CELSR1: variants seen among roughly 807,000 people sequenced by gnomAD.
CELSR1 encodes the protein cadherin EGF LAG seven-pass G-type receptor 1.
A neutral mutation model predicts 249.1 loss-of-function variants in CELSR1; 110 were observed. The ratio of observed to expected loss-of-function variants is 0.44; its 90% confidence interval spans 0.38 to 0.52. The LOEUF (loss-of-function observed/expected upper bound fraction) is 0.52, where lower values mean the gene tolerates loss of function less well. Ranked by LOEUF, CELSR1 falls within the 20% of genes least tolerant of loss-of-function variation. CELSR1 has a pLI of 0.00. For missense variants in CELSR1, 4,109 were observed against 4,296.4 expected (o/e 0.96, Z 1.22); for synonymous variants, 2,113 against 1,900.0 (o/e 1.11, Z -2.92).
rs1185469657 is a variant in CELSR1, at chr22:46,390,858, A to G, written c.6250+328T>C. On this transcript the variant is annotated intron_variant, in intron 16 of 34. Coordinates refer to ENST00000674500, the MANE Select transcript of CELSR1 (RefSeq NM_001378328.1). The surrounding 1 kb of genome is among the most constrained non-coding windows in gnomAD (Gnocchi z 6.3). ...CAGACGCCCCTCACAGAGTGGACAC[A>G]GTCAATGTCCCCATTTCACAGAGGT... 1.3e-5 allele frequency among the ~76,000 whole-genome samples: 2 copies of G among 152,204 alleles called. No individual in the cohort carries two copies. Among genetic ancestry groups the G allele is most frequent in the East Asian group, 1.9e-4 (1 of 5,202 alleles).
rs2078892004 is a variant in CELSR1 at position 46,374,146 on chromosome 22, G to C, written c.7585-1089C>G. The stretch of plus-strand genomic sequence containing the variant: ...CCCTTTGCCTCAGACTGTGGCCTCG[G>C]TCAGGAAAGGAGGCGCGAGCGTGTG... On this transcript the variant is annotated intron_variant, in intron 24 of 34. Coordinates refer to ENST00000674500, the MANE Select transcript of CELSR1 (RefSeq NM_001378328.1). This position sits in a 1 kb window ranked among gnomAD's most constrained non-coding sequence, Gnocchi z 4.3. Among the ~76,000 whole-genome samples, 1 of 152,230 alleles carries C rather than the reference G, an allele frequency of 6.6e-6. No individual in the cohort carries two copies. The highest frequency in any genetic ancestry group is 6.5e-5 in the Admixed American group (1 of 15,290).
intron 29 of CELSR1, 131 bp downstream of exon 29, chr22:46,366,862 C>T (rs914812022): frequency 6.2e-6 from 8 of 1,298,624 alleles, no homozygotes; most frequent in African/African-American, 6.0e-5. Context: ...CCGTGCACCG[C>T]GGGCGGCTCT....
chr22:46,424,151 C>T (rs764137494), intron 5 of CELSR1, among the ~76,000 whole-genome samples: 3 of 152,098 alleles, frequency 2.0e-5, no homozygotes, highest in African/African-American at 7.2e-5. Context: ...ACAACAGCCT[C>T]GACCTTCCAG....
rs1325257036 is a variant in CELSR1 at position 46,429,912 on chromosome 22, GC to G, written c.4611+3480del. On this transcript the variant is annotated intron_variant, in intron 5 of 34. Transcript: ENST00000674500. This position sits in a 1 kb window ranked among gnomAD's most constrained non-coding sequence, Gnocchi z 4.1. ...GGGTCCCACACCGCCTCTCATGGATGCCCCATGCCCTGCCCAGCCCTTTGTA... is the reference window on the plus strand; with the variant it reads ...GGGTCCCACACCGCCTCTCATGGATGCCCATGCCCTGCCCAGCCCTTTGTA... 1.3e-5 allele frequency among the ~76,000 whole-genome samples: 2 copies of G among 152,230 alleles called. No individual in the cohort carries two copies. Among genetic ancestry groups the G allele is most frequent in the Non-Finnish European group, 2.9e-5 (2 of 68,032 alleles).
intron 1 of CELSR1, among the ~76,000 whole-genome samples, chr22:46,496,251 C>T (rs919450068): frequency 3.3e-5 from 5 of 150,256 alleles, no homozygotes; most frequent in Non-Finnish European, 7.4e-5. Flanking sequence ...TAGCTTAAAA[C>T]ACACATTGTA....
chr22:46,434,284 G>A lies in CELSR1; in HGVS notation c.4523-803C>T, dbSNP rs2079632021. ...ACCCCTTGAGCTCCTGCTGGAGTGG[G>A]GCGGGCGAGTCCCTTTGGGGATTCT... On this transcript the variant is annotated intron_variant, in intron 4 of 34. Coordinates refer to ENST00000674500, the MANE Select transcript of CELSR1 (RefSeq NM_001378328.1). The surrounding 1 kb of genome is among the most constrained non-coding windows in gnomAD (Gnocchi z 4.9). Among the ~76,000 whole-genome samples, 7 of 152,234 alleles carry A rather than the reference G, an allele frequency of 4.6e-5. No homozygotes were observed. The highest frequency in any genetic ancestry group is 4.6e-4 in the Admixed American group (7 of 15,292).
chr22:46,482,140 G>C (rs1438440685), intron 1 of CELSR1, among the ~76,000 whole-genome samples: 1 of 152,204 alleles, frequency 6.6e-6, no homozygotes, highest in African/African-American at 2.4e-5. Flanking sequence ...CACTTCCCAA[G>C]AAGAGCTGCA....
At chr22:46,386,224 T>C (rs1240179363) in intron 19 of CELSR1, among the ~76,000 whole-genome samples, 178 bp downstream of exon 19, 1 of 151,808 alleles carries the variant, frequency 6.6e-6, no homozygotes, top group Non-Finnish European at 1.5e-5. Flanking sequence ...CCTGTCCCGA[T>C]CTCCCAAAGT....
chr22:46,536,438 A>T lies in CELSR1; in HGVS notation c.733T>A (p.Phe245Ile). The T allele has an allele frequency of 6.2e-7, 1 of 1,611,840 alleles. No individual in the cohort carries two copies. The highest frequency in any genetic ancestry group is 8.5e-7 in the Non-Finnish European group (1 of 1,179,516). Reference sequence around the variant, plus strand: ...GCCACCTGGTAGTTGGGCATCGGAAACTTCAGGCTCCCTCTGCCGCTCGTG... The same window carrying T: ...GCCACCTGGTAGTTGGGCATCGGAATCTTCAGGCTCCCTCTGCCGCTCGTG... ...RGTSGRGSLK[F>I]PMPNYQVALF... Residue 245 changes from phenylalanine to isoleucine, a missense_variant, in exon 1 of 35, where the codon TTT becomes ATT. By Grantham distance (21) the Phe-to-Ile change is conservative (BLOSUM62 0). Coordinates refer to ENST00000674500, the MANE Select transcript of CELSR1 (RefSeq NM_001378328.1).
chr22:46,533,119 A>G (rs898811390), intron 1 of CELSR1, among the ~76,000 whole-genome samples: 6 of 152,236 alleles, frequency 3.9e-5, no homozygotes, highest in East Asian at 1.9e-4. Context: ...TGCAGGAGAC[A>G]GAAAAGCCAG....
chr22:46,368,315 A>G (rs2078810503), intron 27 of CELSR1, among the ~76,000 whole-genome samples: 1 of 152,062 alleles, frequency 6.6e-6, no homozygotes, highest in Non-Finnish European at 1.5e-5. Context: ...CAGGGTTCAG[A>G]GGGGATGGAG....
In CELSR1 at chr22:46,408,141, C is replaced by T. The variant is rs775704083; in HGVS notation, c.5226+855G>A. ...AGAAAACCGGAGGAAAGAGTGCATTCGAATCACCTTCTAAAAGCTGTTCGG... is the reference window on the plus strand; with the variant it reads ...AGAAAACCGGAGGAAAGAGTGCATTTGAATCACCTTCTAAAAGCTGTTCGG... On this transcript the variant is annotated intron_variant, in intron 9 of 34. Coordinates refer to ENST00000674500, the MANE Select transcript of CELSR1 (RefSeq NM_001378328.1). This position sits in a 1 kb window ranked among gnomAD's most constrained non-coding sequence, Gnocchi z 4.6. 6.6e-6 allele frequency among the ~76,000 whole-genome samples: 1 copy of T among 152,190 alleles called. No individual in the cohort carries two copies. The highest frequency in any genetic ancestry group is 2.4e-5 in the African/African-American group (1 of 41,438).
chr22:46,398,666 G>A lies in CELSR1; in HGVS notation c.5413-29C>T, dbSNP rs202047330. 8 of 1,557,426 alleles carry A rather than the reference G, an allele frequency of 5.1e-6. No individual in the cohort carries two copies. The Admixed American group carries it at 5.6e-5, about 11-fold the overall frequency. On this transcript the variant is annotated intron_variant, in intron 10 of 34. Coordinates refer to ENST00000674500, the MANE Select transcript of CELSR1 (RefSeq NM_001378328.1). The surrounding 1 kb of genome is among the most constrained non-coding windows in gnomAD (Gnocchi z 7.2). Reference sequence around the variant, plus strand: ...TGCGGAGAGAGGGGCCGGGGATCTGGGGGCTGCATCCACCATCCTAGAAAC... The same window carrying A: ...TGCGGAGAGAGGGGCCGGGGATCTGAGGGCTGCATCCACCATCCTAGAAAC...
chr22:46,395,036 A>C lies in CELSR1; in HGVS notation c.5844-774T>G, dbSNP rs1487598695. On this transcript the variant is annotated intron_variant, in intron 13 of 34. Coordinates refer to ENST00000674500, the MANE Select transcript of CELSR1 (RefSeq NM_001378328.1). This position sits in a 1 kb window ranked among gnomAD's most constrained non-coding sequence, Gnocchi z 5.5. Reference sequence around the variant, plus strand: ...CGGGCTCCTGCAATCCCCCCTGGCTAACCAAGTTCCCTCCACCCAGCTGCC... The same window carrying C: ...CGGGCTCCTGCAATCCCCCCTGGCTCACCAAGTTCCCTCCACCCAGCTGCC... Among the ~76,000 whole-genome samples, 1 of 152,146 alleles carries C rather than the reference A, an allele frequency of 6.6e-6. No homozygotes were observed. The highest frequency in any genetic ancestry group is 2.4e-5 in the African/African-American group (1 of 41,436).
At chr22:46,501,669 T>C (rs1276672748) in intron 1 of CELSR1, among the ~76,000 whole-genome samples, 1 of 152,174 alleles carries the variant, frequency 6.6e-6, no homozygotes, top group Non-Finnish European at 1.5e-5. Flanking sequence ...TTTCCTTCAG[T>C]CAATGCAACA....
rs1027217653 is a variant in CELSR1, at chr22:46,390,864, TG to T, written c.6250+321del. Among the ~76,000 whole-genome samples the T allele has an allele frequency of 5.5e-4, 84 of 152,290 alleles. No homozygotes were observed. Among genetic ancestry groups the T allele is most frequent in the African/African-American group, 2.0e-3 (84 of 41,562 alleles). The stretch of plus-strand genomic sequence containing the variant: ...CCCCTCACAGAGTGGACACAGTCAA[TG>T]TCCCCATTTCACAGAGGTAACCCGA... On this transcript the variant is annotated intron_variant, in intron 16 of 34. Transcript: ENST00000674500. The surrounding 1 kb of genome is among the most constrained non-coding windows in gnomAD (Gnocchi z 6.3).
Position 46,366,411 on chromosome 22 carries a change from T to C in CELSR1, c.8275A>G (p.Thr2759Ala), listed in dbSNP as rs1474406164. 1.4e-5 allele frequency: 22 copies of C among 1,549,354 alleles called. No homozygotes were observed. Among genetic ancestry groups the C allele is most frequent in the Non-Finnish European group, 1.9e-5 (22 of 1,146,386 alleles). ...CTGACGATGCTGTCCAGCGAGGCGG[T>C]GGACTCGCCCAAGTCTGTGCGCAGC... ...DMLRTDLGES[T>A]ASLDSIVRDE... Residue 2759 changes from threonine to alanine, a missense_variant, in exon 30 of 35, where the codon ACC becomes GCC. By Grantham distance (58) the Thr-to-Ala change is moderately conservative. Coordinates refer to ENST00000674500, the MANE Select transcript of CELSR1 (RefSeq NM_001378328.1).
At chr22:46,453,773 G>A (rs1267101646) in intron 2 of CELSR1, among the ~76,000 whole-genome samples, 1 of 152,198 alleles carries the variant, frequency 6.6e-6, no homozygotes, top group South Asian at 2.1e-4. Flanking sequence ...ATCGTGGCCG[G>A]TTATAAACAG....
intron 2 of CELSR1, among the ~76,000 whole-genome samples, chr22:46,456,484 C>A (rs2079951825): frequency 1.3e-5 from 2 of 151,790 alleles, no homozygotes; most frequent in African/African-American, 4.8e-5. Flanking sequence ...AAGGTGACAC[C>A]CCGTCTCTAC....
Sources: allele counts gnomAD v4.1 joint callset (sites outside exome capture counted in the v4.1 genomes callset), GRCh38; gene constraint gnomAD v4.1.1; non-coding constraint Gnocchi (gnomAD v3.1); transcripts MANE v1.5; gene names NCBI Gene and HGNC (gene_info 2026-07-23, HGNC 2026-07-21).